RNF10: variants seen among roughly 807,000 people sequenced by gnomAD.
The protein encoded by RNF10 is E3 ubiquitin-protein ligase RNF10.
RNF10 carries 38 observed loss-of-function variants against 91.4 expected under a neutral mutation model. The observed-to-expected ratio is 0.42, with a 90% CI of 0.32 to 0.54. RNF10 has a LOEUF of 0.54. RNF10 is among the 20% of genes least tolerant of loss of function. RNF10 has a pLI of 0.16. For synonymous variants in RNF10, 364 were observed against 366.3 expected (o/e 0.99, Z 0.07); for missense variants, 945 against 1,012.0 (o/e 0.93, Z 0.90).
chr12:120,570,256 G>A (rs998305941), intron 13 of RNF10: 12 of 147,512 alleles, frequency 8.1e-5, no homozygotes, highest in Non-Finnish European at 1.0e-4. Context: ...GCACGATCTC[G>A]GTTCACTGCA....
chr12:120,566,103 G>A (rs1593105357), intron 12 of RNF10, among the ~76,000 whole-genome samples: 1 of 152,156 alleles, frequency 6.6e-6, no homozygotes, highest in African/African-American at 2.4e-5. Flanking sequence ...AAAGGACTTC[G>A]GTGTTTTGAC....
chr12:120,539,480 G>C, intron 1 of RNF10: 2 of 1,234,322 alleles, frequency 1.6e-6, no homozygotes, highest in Non-Finnish European at 2.1e-6. Context: ...TAAGCAACTT[G>C]CTTGTGATTA....
chr12:120,552,768 A>T (rs748095559), intron 3 of RNF10, 70 bp downstream of exon 3: 2 of 1,393,360 alleles, frequency 1.4e-6, no homozygotes, highest in Non-Finnish European at 2.0e-6. Flanking sequence ...CCTCTGTGAG[A>T]GGCTTTTTTT....
chr12:120,563,234 C>G, intron 8 of RNF10, 113 bp from the exon 9 acceptor site: 2 of 1,476,466 alleles, frequency 1.4e-6, no homozygotes, highest in South Asian at 2.5e-5. Flanking sequence ...AATCAGTGAA[C>G]ACGACAGCTA....
chr12:120,553,176 C>T (rs1016082166), intron 3 of RNF10, among the ~76,000 whole-genome samples: 10 of 143,298 alleles, frequency 7.0e-5, no homozygotes, highest in Admixed American at 2.2e-4. Flanking sequence ...CTCTGCCTCC[C>T]GGGTTTAAGT....
chr12:120,546,432 G>T lies in RNF10; in HGVS notation c.185G>T (p.Arg62Leu), dbSNP rs376427405. 6 of 1,613,662 alleles carry T rather than the reference G, an allele frequency of 3.7e-6. 1 individual carries two copies. In the South Asian group the frequency reaches 6.6e-5, roughly 18 times the overall value. Reference sequence around the variant, plus strand: ...GGAAAGAACTCCAGTGGATCCAAGCGTTATAATCGCAAACGTGAACTTTCC... The same window carrying T: ...GGAAAGAACTCCAGTGGATCCAAGCTTTATAATCGCAAACGTGAACTTTCC... ...SDGKNSSGSK[R>L]YNRKRELSYP... The change falls in exon 2 of 17, where the codon CGT (arginine) becomes CTT (leucine). Residue 62 changes from arginine to leucine, a missense_variant. Arg to Leu is a moderately radical substitution (Grantham distance 102). Coordinates refer to ENST00000325954, the MANE Select transcript of RNF10 (RefSeq NM_014868.5).
intron 13 of RNF10, among the ~76,000 whole-genome samples, chr12:120,567,879 G>C (rs372688477): frequency 4.2e-5 from 6 of 141,490 alleles, no homozygotes; most frequent in Non-Finnish European, 9.5e-5. Context: ...GTGTGTGTGT[G>C]TGTATGTATA....
intron 1 of RNF10, among the ~76,000 whole-genome samples, chr12:120,538,733 C>T (rs1396944736): frequency 6.6e-6 from 1 of 152,176 alleles, no homozygotes; most frequent in Non-Finnish European, 1.5e-5. Flanking sequence ...TCCCATCCCC[C>T]TGGGCCGATA....
chr12:120,552,605 C>T lies in RNF10; in HGVS notation c.461C>T (p.Thr154Met), dbSNP rs746773965. 234 of 1,614,034 alleles carry T rather than the reference C, an allele frequency of 1.4e-4. No homozygotes were observed. The highest frequency in any genetic ancestry group is 1.9e-4 in the Non-Finnish European group (220 of 1,180,020). ...LNFTFEPRGQTGHFEGSGHGS... is the reference protein window; with the variant it reads ...LNFTFEPRGQMGHFEGSGHGS... The stretch of plus-strand genomic sequence containing the variant: ...TTCACTTTTGAACCCCGTGGCCAGA[C>T]GGGTCACTTTGAAGGCAGTGGACAT... The change falls in exon 3 of 17, where the codon ACG becomes ATG. Residue 154 changes from threonine (T) to methionine (M), a missense_variant. Physicochemically the swap from Thr to Met is moderately conservative, Grantham distance 81. Coordinates refer to ENST00000325954, the MANE Select transcript of RNF10 (RefSeq NM_014868.5).
intron 2 of RNF10, among the ~76,000 whole-genome samples, chr12:120,548,663 T>TC (rs1399987566): frequency 1.3e-5 from 2 of 148,384 alleles, no homozygotes; most frequent in South Asian, 2.1e-4. Context: ...TTTCTTTCTT[T>TC]TTTTTTTTTT....
chr12:120,534,866 A>G lies in RNF10; in HGVS notation c.55A>G (p.Ser19Gly). 6.2e-7 allele frequency: 1 copy of G among 1,608,200 alleles called. No homozygotes were observed. The highest frequency in any genetic ancestry group is 8.5e-7 in the Non-Finnish European group (1 of 1,179,592). Residue 19 changes from serine to glycine, a missense_variant, in exon 1 of 17, where the codon AGC becomes GGC. Ser to Gly is a moderately conservative substitution (Grantham distance 56). Coordinates refer to ENST00000325954, the MANE Select transcript of RNF10 (RefSeq NM_014868.5). ...CACCGCCTCCGACATGGACAAGAAC[A>G]GCGGCTCCAACAGCTCCTCCGCCTC... Reference protein sequence around the residue: ...AATASDMDKNSGSNSSSASSG... With the variant: ...AATASDMDKNGGSNSSSASSG...
At position 120,566,972 on chromosome 12, in the gene RNF10, C is replaced by T; in HGVS notation, c.2033C>T (p.Ser678Phe). The T allele has an allele frequency of 6.2e-7, 1 of 1,601,294 alleles. No individual in the cohort carries two copies. The highest frequency in any genetic ancestry group is 8.5e-7 in the Non-Finnish European group (1 of 1,176,908). The change falls in exon 13 of 17, where the codon TCC (serine) becomes TTC (phenylalanine). Residue 678 changes from serine (S) to phenylalanine (F), a missense_variant. By Grantham distance (155) the Ser-to-Phe change is radical. Coordinates refer to ENST00000325954, the MANE Select transcript of RNF10 (RefSeq NM_014868.5). ...SISPLSRSPG[S>F]HADFLLTPLS... ...TCTCCTCTCAGCAGAAGTCCAGGTTCCCATGCAGGTAAACAGGTGAAATTT... is the reference window on the plus strand; with the variant it reads ...TCTCCTCTCAGCAGAAGTCCAGGTTTCCATGCAGGTAAACAGGTGAAATTT...
At chr12:120,539,096 A>G (rs952910771) in intron 1 of RNF10, among the ~76,000 whole-genome samples, 7 of 152,128 alleles carry the variant, frequency 4.6e-5, no homozygotes, top group African/African-American at 1.4e-4. Context: ...AATCATAGTA[A>G]AACTGTGTGT....
chr12:120,543,781 C>A (rs1224077882), intron 1 of RNF10, among the ~76,000 whole-genome samples: 1 of 148,088 alleles, frequency 6.8e-6, no homozygotes, highest in Non-Finnish European at 1.5e-5. Flanking sequence ...GCCTGGGTGA[C>A]AAAAGTAAGA....
intron 1 of RNF10, among the ~76,000 whole-genome samples, chr12:120,542,646 G>A (rs1177456313): frequency 1.3e-5 from 2 of 152,106 alleles, no homozygotes; most frequent in Admixed American, 6.6e-5. Context: ...TCTGCCTCCC[G>A]GGTTCAAATG....
rs189294781 is a variant in RNF10, at chr12:120,557,169, G to A, written c.646-113G>A. 280 of 850,552 alleles carry A rather than the reference G, an allele frequency of 3.3e-4. 1 individual carries two copies. In the African/African-American group the frequency reaches 4.1e-3, roughly 13 times the overall value. The allele number at this position is 850,552 out of a possible 1,614,324, so 52.7% of individuals were successfully genotyped here. A position where few individuals can be genotyped will look rare whatever the true frequency, so the allele number is the denominator to read the frequency against. On this transcript the variant is annotated intron_variant, in intron 4 of 16. Transcript: ENST00000325954. Reference sequence around the variant, plus strand: ...AGAAAGATATGTTGAGTATAAGGATGTACGGGGATAGAGATGAGAGAGATG... The same window carrying A: ...AGAAAGATATGTTGAGTATAAGGATATACGGGGATAGAGATGAGAGAGATG...
At position 120,565,178 on chromosome 12, in the gene RNF10, A is replaced by C; in HGVS notation, c.1772A>C (p.Glu591Ala). 1 of 1,605,208 alleles carries C rather than the reference A, an allele frequency of 6.2e-7. No homozygotes were observed. Among genetic ancestry groups the C allele is most frequent in the Non-Finnish European group, 8.5e-7 (1 of 1,171,916 alleles). The change falls in exon 11 of 17, where the codon GAG (glutamate) becomes GCG (alanine). Residue 591 changes from glutamate (E) to alanine (A), a missense_variant. Glu to Ala is a moderately radical substitution (Grantham distance 107). Coordinates refer to ENST00000325954, the MANE Select transcript of RNF10 (RefSeq NM_014868.5). Reference protein sequence around the residue: ...QPPVVSKETLEMFSDDIEKRK... With the variant: ...QPPVVSKETLAMFSDDIEKRK... ...CCTGTGGTCTCTAAGGAAACCCTAGAGATGTTCTCAGGTGAGAATGCCCCT... is the reference window on the plus strand; with the variant it reads ...CCTGTGGTCTCTAAGGAAACCCTAGCGATGTTCTCAGGTGAGAATGCCCCT...
chr12:120,545,366 G>A (rs1478425213), intron 1 of RNF10, among the ~76,000 whole-genome samples: 2 of 103,894 alleles, frequency 1.9e-5, no homozygotes, highest in East Asian at 6.4e-4. Flanking sequence ...TTTTTTTTTT[G>A]GATTTTTAGT....
chr12:120,569,810 TTA>T (rs1424600834), intron 13 of RNF10, among the ~76,000 whole-genome samples: 6 of 152,156 alleles, frequency 3.9e-5, no homozygotes, highest in African/African-American at 1.4e-4. Flanking sequence ...TGTGCTGGGA[TTA>T]TAGGCCTGAG....
Sources: gnomAD v4.1 joint callset for allele counts (sites outside exome capture counted in the v4.1 genomes callset) on GRCh38, gnomAD v4.1.1 for gene constraint, MANE v1.5 for transcripts, NCBI Gene and HGNC (gene_info 2026-07-23, HGNC 2026-07-21) for gene names.